Variants in UGT2B4 observed in about 807,000 individuals in gnomAD.
The protein encoded by UGT2B4 is UDP-glucuronosyltransferase 2B4.
UGT2B4 carries 49 observed loss-of-function variants against 49.8 expected under a neutral mutation model. That is an observed-to-expected ratio of 0.98 (90% CI 0.78 to 1.25). The LOEUF is 1.25. Ranked by LOEUF, UGT2B4 falls within the 50% of genes most tolerant of loss-of-function variation. The pLI, the probability that UGT2B4 is intolerant of heterozygous loss-of-function variation, is 0.00. For missense variants in UGT2B4, 729 were observed against 627.7 expected (o/e 1.16, Z -1.73); for synonymous variants, 246 against 217.7 (o/e 1.13, Z -1.14).
chr4:69,509,920 A>C (rs2109826936), intron 1 of UGT2B4, among the ~76,000 whole-genome samples: 1 of 152,264 alleles, frequency 6.6e-6, no homozygotes. Context: ...ATATTCAAAA[A>C]AATTGTCCAG....
At chr4:69,493,565 T>G in intron 2 of UGT2B4, 128 bp downstream of exon 2, 1 of 1,154,740 alleles carries the variant, frequency 8.7e-7, no homozygotes, top group Non-Finnish European at 1.2e-6. Context: ...TACGTCAGTT[T>G]CTAATTGGTA....
At chr4:69,522,014 T>G (rs1728861287) in intron 1 of UGT2B4, among the ~76,000 whole-genome samples, 1 of 152,320 alleles carries the variant, frequency 6.6e-6, no homozygotes, top group Admixed American at 6.5e-5. Flanking sequence ...ATAGCCTTTT[T>G]TATCCAAGAT....
At chr4:69,493,573 G>T in intron 2 of UGT2B4, 120 bp downstream of exon 2, 8 of 1,210,084 alleles carry the variant, frequency 6.6e-6, no homozygotes, top group Non-Finnish European at 5.5e-6. Context: ...TTTCTAATTG[G>T]TATCTGCTTT....
intron 1 of UGT2B4, among the ~76,000 whole-genome samples, chr4:69,512,900 C>A (rs533091744): frequency 6.6e-6 from 1 of 151,902 alleles, no homozygotes; most frequent in Non-Finnish European, 1.5e-5. Flanking sequence ...AGTGTATGTT[C>A]GTGTTCTTTG....
chr4:69,516,700 A>C (rs1728742679), intron 1 of UGT2B4, among the ~76,000 whole-genome samples: 1 of 151,304 alleles, frequency 6.6e-6, no homozygotes, highest in African/African-American at 2.4e-5. Context: ...TCCACCTCTT[A>C]GGTTTAGGGG....
At chr4:69,490,083 A>G (rs1727934732) in intron 2 of UGT2B4, among the ~76,000 whole-genome samples, 1 of 152,118 alleles carries the variant, frequency 6.6e-6, no homozygotes, top group Non-Finnish European at 1.5e-5. Context: ...ATCTTATTCT[A>G]TAATCCTTTA....
At chr4:69,516,281 G>A (rs190520776) in intron 1 of UGT2B4, among the ~76,000 whole-genome samples, 8 of 152,244 alleles carry the variant, frequency 5.3e-5, no homozygotes, top group Admixed American at 6.5e-5. Context: ...TGAACAGTGC[G>A]GCAGTGAACA....
chr4:69,500,812 G>T (rs539452021), upstream of UGT2B4, among the ~76,000 whole-genome samples: 2 of 152,010 alleles, frequency 1.3e-5, no homozygotes, highest in Non-Finnish European at 2.9e-5. Flanking sequence ...TGCAACCCTC[G>T]GGTCAGGAAG....
At chr4:69,494,821 T>A (rs1348737992) in intron 1 of UGT2B4, among the ~76,000 whole-genome samples, 1 of 152,202 alleles carries the variant, frequency 6.6e-6, no homozygotes. Context: ...TGTTTCTGAA[T>A]AAGTCTGACT....
intron 2 of UGT2B4, among the ~76,000 whole-genome samples, chr4:69,492,966 C>A (rs943992658): frequency 7.2e-5 from 11 of 152,068 alleles, no homozygotes; most frequent in African/African-American, 2.7e-4. Flanking sequence ...CCCATATTTT[C>A]TTTTCTTAAC....
chr4:69,509,168 C>G (rs200896382), intron 1 of UGT2B4, among the ~76,000 whole-genome samples: 1 of 43,916 alleles, frequency 2.3e-5, no homozygotes. Context: ...TATGGAATTT[C>G]TATTTTTTTT....
intron 1 of UGT2B4, among the ~76,000 whole-genome samples, chr4:69,509,879 T>C (rs1728565298): frequency 6.6e-6 from 1 of 152,100 alleles, no homozygotes; most frequent in Admixed American, 6.6e-5. Context: ...CACCTGTTTG[T>C]ATTTGCTTTG....
At chr4:69,501,058 A>C (rs1012586370) in intron 1 of UGT2B4, among the ~76,000 whole-genome samples, 1 of 152,130 alleles carries the variant, frequency 6.6e-6, no homozygotes, top group African/African-American at 2.4e-5. Flanking sequence ...CCACCCTCAC[A>C]ACACCTCACA....
chr4:69,505,343 G>A (rs1728440980), intron 1 of UGT2B4, among the ~76,000 whole-genome samples: 1 of 151,986 alleles, frequency 6.6e-6, no homozygotes, highest in African/African-American at 2.4e-5. Context: ...CACCTGCAAT[G>A]GCATACATAG....
intron 5 of UGT2B4, 119 bp downstream of exon 5, chr4:69,485,089 T>A (rs934389845): frequency 5.5e-6 from 7 of 1,279,774 alleles, no homozygotes; most frequent in Non-Finnish European, 7.7e-6. Flanking sequence ...TTTCAGATTG[T>A]TTAAATCACT....
At chr4:69,514,327 G>C (rs1334589519) in intron 1 of UGT2B4, among the ~76,000 whole-genome samples, 1 of 152,080 alleles carries the variant, frequency 6.6e-6, no homozygotes, top group African/African-American at 2.4e-5. Context: ...CTATGAGTGA[G>C]AGCATGCGGT....
At chr4:69,481,091 GAAAAAAAAAAAAA>G (rs57494102) in intron 5 of UGT2B4, among the ~76,000 whole-genome samples, 181 bp from the exon 6 acceptor site, 2 of 67,824 alleles carry the variant, frequency 2.9e-5, no homozygotes, top group African/African-American at 5.9e-5. Context: ...GTAAAAATAT[GAAAAAAAAAAAAA>G]AAAAAAAAAA....
chr4:69,495,815 C>T lies in UGT2B4; in HGVS notation c.47G>A (p.Cys16Tyr). 1.2e-6 allele frequency: 2 copies of T among 1,612,624 alleles called. No homozygotes were observed. The highest frequency in any genetic ancestry group is 1.7e-5 in the Admixed American group (1 of 59,714). Residue 16 changes from cysteine to tyrosine, a missense_variant, in exon 1 of 6, where the codon TGT (cysteine) becomes TAT (tyrosine). Physicochemically the swap from Cys to Tyr is radical, Grantham distance 194 (BLOSUM62 -2). Coordinates refer to ENST00000305107, the MANE Select transcript of UGT2B4 (RefSeq NM_021139.3). ...TSALLLIQLS[C>Y]YFSSGSCGKV... ...TCCACAACTCCCAGAGCTAAAGTAA[C>T]AGCTCAGCTGTATCAGCAGAAGAGC...
At chr4:69,514,892 T>C (rs1471669877) in intron 1 of UGT2B4, among the ~76,000 whole-genome samples, 9 of 152,266 alleles carry the variant, frequency 5.9e-5, no homozygotes, top group African/African-American at 1.9e-4. Context: ...GTTGCAGTCC[T>C]AGTTTAAACC....
Sources: allele counts gnomAD v4.1 joint callset (sites outside exome capture counted in the v4.1 genomes callset), GRCh38; gene constraint gnomAD v4.1.1; transcripts MANE v1.5; gene names NCBI Gene and HGNC (gene_info 2026-07-23, HGNC 2026-07-21).